STAG1: variants seen among roughly 807,000 people sequenced by gnomAD.
STAG1 encodes the protein cohesin subunit SA-1.
In STAG1, 26 loss-of-function variants were observed where a neutral mutation model predicts 170.9. That is an observed-to-expected ratio of 0.15 (90% CI 0.11 to 0.21). The LOEUF is 0.21. Ranked by LOEUF, STAG1 falls within the 10% of genes least tolerant of loss-of-function variation. STAG1 has a pLI of 1.00. For missense variants in STAG1, 964 were observed against 1,509.5 expected (o/e 0.64, Z 5.99); for synonymous variants, 514 against 497.7 (o/e 1.03, Z -0.44).
chr3:136,399,809 T>C (rs1243763865), intron 21 of STAG1, among the ~76,000 whole-genome samples: 2 of 152,232 alleles, frequency 1.3e-5, no homozygotes, highest in African/African-American at 4.8e-5. Flanking sequence ...ATGTGTGTTA[T>C]ATCTCTCAAT....
chr3:136,671,298 A>G (rs1054838616), intron 1 of STAG1, among the ~76,000 whole-genome samples: 3 of 152,002 alleles, frequency 2.0e-5, no homozygotes, highest in African/African-American at 4.8e-5. Context: ...ATAAAAAGAA[A>G]GCACACACAC....
At chr3:136,636,766 G>A (rs1399964937) in intron 1 of STAG1, among the ~76,000 whole-genome samples, 5 of 152,182 alleles carry the variant, frequency 3.3e-5, no homozygotes, top group Non-Finnish European at 2.9e-5. Context: ...ATATATTTAA[G>A]AAAGATTAAT....
intron 14 of STAG1, among the ~76,000 whole-genome samples, chr3:136,443,711 G>C (rs994172639): frequency 1.3e-5 from 2 of 152,064 alleles, no homozygotes; most frequent in African/African-American, 4.8e-5. Context: ...GCTGGATCTA[G>C]GTCACTTTTC....
chr3:136,375,404 C>T (rs887108396), intron 23 of STAG1, among the ~76,000 whole-genome samples: 2 of 152,194 alleles, frequency 1.3e-5, no homozygotes, highest in African/African-American at 4.8e-5. Flanking sequence ...AATCCACTAA[C>T]ACTGCCCCCT....
At chr3:136,697,649 C>G (rs1020312165) in intron 1 of STAG1, among the ~76,000 whole-genome samples, 1 of 152,160 alleles carries the variant, frequency 6.6e-6, no homozygotes, top group Non-Finnish European at 1.5e-5. Flanking sequence ...ATAAAGCATT[C>G]TCTCACAAAT....
At chr3:136,581,651 C>G (rs1015522477) in intron 4 of STAG1, among the ~76,000 whole-genome samples, 1 of 151,944 alleles carries the variant, frequency 6.6e-6, no homozygotes, top group African/African-American at 2.4e-5. Context: ...ATTTTTGGAC[C>G]CAGCAGCCCT....
chr3:136,535,831 G>A (rs2107717045), intron 6 of STAG1, among the ~76,000 whole-genome samples: 1 of 152,224 alleles, frequency 6.6e-6, no homozygotes, highest in South Asian at 2.1e-4. Context: ...CCATAAAAAT[G>A]TGAACTACTA....
chr3:136,399,088 T>C, intron 21 of STAG1, among the ~76,000 whole-genome samples: 1 of 152,284 alleles, frequency 6.6e-6, no homozygotes, highest in Middle Eastern at 3.4e-3. Flanking sequence ...AAAAATGTAG[T>C]GTCATGAATA....
intron 16 of STAG1, among the ~76,000 whole-genome samples, chr3:136,430,503 G>A (rs1195860973): frequency 6.6e-6 from 1 of 151,324 alleles, no homozygotes; most frequent in African/African-American, 2.4e-5. Context: ...CAACACTATA[G>A]TGCTATAATT....
At chr3:136,705,399 ACACACAC>A (rs1943201420) in intron 1 of STAG1, among the ~76,000 whole-genome samples, 1 of 151,306 alleles carries the variant, frequency 6.6e-6, no homozygotes, top group Non-Finnish European at 1.5e-5. Context: ...ACACACACAC[ACACACAC>A]ACACACACAC....
intron 1 of STAG1, among the ~76,000 whole-genome samples, chr3:136,698,740 A>T (rs1203321909): frequency 6.6e-6 from 1 of 152,198 alleles, no homozygotes; most frequent in African/African-American, 2.4e-5. Context: ...TCATTATATG[A>T]AAAAGACACA....
intron 8 of STAG1, among the ~76,000 whole-genome samples, 164 bp from the exon 9 acceptor site, chr3:136,500,460 C>T (rs922817561): frequency 2.6e-5 from 4 of 152,018 alleles, no homozygotes; most frequent in African/African-American, 9.7e-5. Context: ...TCCATTATTC[C>T]TTTACATTTA....
intron 1 of STAG1, among the ~76,000 whole-genome samples, chr3:136,714,935 TTAA>T (rs1187947859): frequency 1.3e-3 from 73 of 56,542 alleles, no homozygotes; most frequent in African/African-American, 2.9e-3. Flanking sequence ...AATATATATA[TTAA>T]ATATATATAT....
chr3:136,505,438 T>C (rs897581819), intron 7 of STAG1, among the ~76,000 whole-genome samples: 8 of 152,234 alleles, frequency 5.3e-5, no homozygotes, highest in African/African-American at 1.9e-4. Context: ...TAGAAGTTTT[T>C]ATAGCAATCT....
chr3:136,395,104 A>T (rs1250383522), intron 22 of STAG1, among the ~76,000 whole-genome samples: 1 of 152,102 alleles, frequency 6.6e-6, no homozygotes, highest in East Asian at 1.9e-4. Flanking sequence ...CAAAAATAAA[A>T]CAAAACAAAA....
At chr3:136,553,739 G>A (rs1448310828) in intron 5 of STAG1, among the ~76,000 whole-genome samples, 5 of 152,174 alleles carry the variant, frequency 3.3e-5, no homozygotes, top group East Asian at 1.9e-4. Context: ...GCGCCACTGC[G>A]CTCCAGCCTG....
At chr3:136,590,817 AAATT>A (rs1460947082) in intron 4 of STAG1, among the ~76,000 whole-genome samples, 1 of 152,336 alleles carries the variant, frequency 6.6e-6, no homozygotes, top group South Asian at 2.1e-4. Context: ...TCTGAGGATC[AAATT>A]AATTAATCAG....
At chr3:136,638,378 G>A (rs990138380) in intron 1 of STAG1, among the ~76,000 whole-genome samples, 3 of 151,574 alleles carry the variant, frequency 2.0e-5, no homozygotes, top group Non-Finnish European at 2.9e-5. Flanking sequence ...CAGGTGATCC[G>A]CCTGCCTCAG....
chr3:136,478,293 T>C (rs1207214542), intron 9 of STAG1, among the ~76,000 whole-genome samples: 2 of 152,170 alleles, frequency 1.3e-5, no homozygotes, highest in Admixed American at 1.3e-4. Context: ...GAATTCTGGC[T>C]CATTGCCTAG....
Sources: allele counts gnomAD v4.1 joint callset (sites outside exome capture counted in the v4.1 genomes callset), GRCh38; gene constraint gnomAD v4.1.1; transcripts MANE v1.5; gene names NCBI Gene and HGNC (gene_info 2026-07-23, HGNC 2026-07-21).